UST: variants seen among roughly 807,000 people sequenced by gnomAD.
UST encodes the protein uronyl 2-sulfotransferase.
A neutral mutation model predicts 45.6 loss-of-function variants in UST; 21 were observed. The ratio of observed to expected loss-of-function variants is 0.46; its 90% CI spans 0.33 to 0.66. The LOEUF (loss-of-function observed/expected upper bound fraction) is 0.66, where lower values mean the gene tolerates loss of function less well. Ranked by LOEUF, UST falls within the 30% of genes least tolerant of loss-of-function variation. The pLI is 0.02. For missense variants in UST, 463 were observed against 512.4 expected, an observed-to-expected ratio of 0.90 and a Z score of 0.93; for synonymous variants, 215 against 200.6, an observed-to-expected ratio of 1.07 and a Z score of -0.61.
intron 2 of UST, among the ~76,000 whole-genome samples, chr6:148,932,801 T>G (rs1582906358): frequency 6.6e-6 from 1 of 152,302 alleles, no homozygotes; most frequent in South Asian, 2.1e-4. Flanking sequence ...ATGATGTGCG[T>G]TATGGAGATA....
intron 7 of UST, among the ~76,000 whole-genome samples, chr6:149,043,631 GAGCCACC>G (rs1043598961): frequency 6.6e-6 from 1 of 152,248 alleles, no homozygotes; most frequent in African/African-American, 2.4e-5. Context: ...ATCTGACGGA[GAGCCACC>G]AGGAGGAGCC....
At chr6:148,776,389 G>A (rs1032743875) in intron 1 of UST, among the ~76,000 whole-genome samples, 5 of 152,158 alleles carry the variant, frequency 3.3e-5, no homozygotes, top group Non-Finnish European at 5.9e-5. Context: ...TTTGAGGGTG[G>A]GAGTGTGGTC....
At chr6:149,030,486 AAAATT>A (rs1226937862) in intron 7 of UST, among the ~76,000 whole-genome samples, 1 of 151,690 alleles carries the variant, frequency 6.6e-6, no homozygotes, top group Non-Finnish European at 1.5e-5. Context: ...CCAAAAAAAA[AAAATT>A]AAAATTAAAT....
intron 5 of UST, among the ~76,000 whole-genome samples, chr6:148,985,972 C>T (rs1482049697): frequency 6.6e-6 from 1 of 152,118 alleles, no homozygotes; most frequent in East Asian, 1.9e-4. Flanking sequence ...GATCTGATTC[C>T]TATAAAGAAC....
intron 2 of UST, among the ~76,000 whole-genome samples, chr6:148,899,833 G>A (rs1448934575): frequency 6.6e-6 from 1 of 152,180 alleles, no homozygotes; most frequent in Non-Finnish European, 1.5e-5. Context: ...ATTTCACTCA[G>A]CTTTAGGCAT....
At chr6:148,761,716 C>T (rs889032635) in intron 1 of UST, among the ~76,000 whole-genome samples, 2 of 152,260 alleles carry the variant, frequency 1.3e-5, no homozygotes, top group South Asian at 2.1e-4. Flanking sequence ...CAGCCTGGCC[C>T]GGGGATTGTG....
At chr6:149,032,292 T>C (rs547059950) in intron 7 of UST, among the ~76,000 whole-genome samples, 1 of 152,234 alleles carries the variant, frequency 6.6e-6, no homozygotes, top group Non-Finnish European at 1.5e-5. Flanking sequence ...GCAGGGATCC[T>C]CCCAGGCCCC....
chr6:149,061,488 C>G (rs1048620922), intron 7 of UST, among the ~76,000 whole-genome samples: 3 of 152,226 alleles, frequency 2.0e-5, no homozygotes, highest in African/African-American at 7.2e-5. Flanking sequence ...ACTGCCCAGT[C>G]TTGCATGCAG....
chr6:148,848,370 A>G (rs1778037334), intron 1 of UST, among the ~76,000 whole-genome samples: 1 of 152,192 alleles, frequency 6.6e-6, no homozygotes, highest in South Asian at 2.1e-4. Flanking sequence ...GCTTATTTTC[A>G]GTTATAAAAA....
At chr6:148,946,265 A>C (rs892708338) in intron 3 of UST, among the ~76,000 whole-genome samples, 1 of 151,984 alleles carries the variant, frequency 6.6e-6, no homozygotes, top group African/African-American at 2.4e-5. Context: ...TAATCCCAGC[A>C]CTCTGGGAGG....
intron 1 of UST, among the ~76,000 whole-genome samples, chr6:148,821,375 C>CT (rs1005067463): frequency 3.9e-5 from 6 of 152,022 alleles, no homozygotes; most frequent in African/African-American, 1.2e-4. Flanking sequence ...ATTATGCTGT[C>CT]TTTTTTGTAG....
intron 5 of UST, among the ~76,000 whole-genome samples, chr6:148,994,165 T>G (rs1288422975): frequency 6.6e-6 from 1 of 151,918 alleles, no homozygotes; most frequent in African/African-American, 2.4e-5. Flanking sequence ...AGAGACAAGG[T>G]TTTGCCATGT....
intron 2 of UST, among the ~76,000 whole-genome samples, chr6:148,888,673 ACTG>A (rs1449108107): frequency 6.6e-6 from 1 of 152,220 alleles, no homozygotes; most frequent in Non-Finnish European, 1.5e-5. Flanking sequence ...TGTTAACTGT[ACTG>A]CAGTAACATT....
intron 1 of UST, among the ~76,000 whole-genome samples, chr6:148,775,604 T>C (rs1776516170): frequency 6.6e-6 from 1 of 151,922 alleles, no homozygotes; most frequent in African/African-American, 2.4e-5. Flanking sequence ...TTTTAGTTGA[T>C]TGTAACTCTT....
At chr6:148,823,397 C>T (rs562824447) in intron 1 of UST, among the ~76,000 whole-genome samples, 1 of 152,336 alleles carries the variant, frequency 6.6e-6, no homozygotes, top group African/African-American at 2.4e-5. Context: ...CTCCAGCTAA[C>T]ATCAGATCTT....
chr6:148,792,623 T>C (rs1254444263), intron 1 of UST, among the ~76,000 whole-genome samples: 1 of 152,184 alleles, frequency 6.6e-6, no homozygotes, highest in Non-Finnish European at 1.5e-5. Context: ...GAGATGTGTG[T>C]CTCATGTAGC....
chr6:148,902,112 G>A (rs373351214), intron 2 of UST, among the ~76,000 whole-genome samples: 9 of 151,898 alleles, frequency 5.9e-5, no homozygotes, highest in Admixed American at 1.3e-4. Flanking sequence ...CTTATTCTTC[G>A]TGTTCTAAAA....
At chr6:149,038,461 G>C (rs1776266619) in intron 7 of UST, among the ~76,000 whole-genome samples, 1 of 151,646 alleles carries the variant, frequency 6.6e-6, no homozygotes, top group African/African-American at 2.4e-5. Context: ...ACAAGCCAGG[G>C]AGCACCAAGA....
At chr6:149,064,345 A>G (rs1469062461) in intron 7 of UST, among the ~76,000 whole-genome samples, 1 of 152,182 alleles carries the variant, frequency 6.6e-6, no homozygotes, top group African/African-American at 2.4e-5. Context: ...CTAAATTCCA[A>G]TGCCACAGCT....
Sources: allele counts gnomAD v4.1 joint callset (sites outside exome capture counted in the v4.1 genomes callset), GRCh38; gene constraint gnomAD v4.1.1; transcripts MANE v1.5; gene names NCBI Gene and HGNC (gene_info 2026-07-23, HGNC 2026-07-21).